The following AARD variants were observed in gnomAD, a reference collection of about 807,000 sequenced individuals.
The protein encoded by AARD is alanine- and arginine-rich domain-containing protein.
A neutral mutation model predicts 9.3 loss-of-function variants in AARD; 9 were observed. That is an observed-to-expected ratio of 0.97 (90% CI 0.58 to 1.69). The LOEUF (loss-of-function observed/expected upper bound fraction) is 1.69. AARD is among the 40% of genes most tolerant of loss of function. The pLI is 0.00. For missense variants in AARD, 236 were observed against 210.3 expected (o/e 1.12, Z -0.76); for synonymous variants, 91 against 93.8 (o/e 0.97, Z 0.17).
rs997067254 is a variant in AARD at position 116,938,785 on chromosome 8, C to T, written c.324+218C>T. On this transcript the variant is annotated intron_variant, in intron 1 of 1. Transcript: ENST00000378279. Reference sequence around the variant, plus strand: ...GTGGGGGCGGGGGTGCCTGGTCTACCAGTGACATACCCAAGATGTCTCCTC... The same window carrying T: ...GTGGGGGCGGGGGTGCCTGGTCTACTAGTGACATACCCAAGATGTCTCCTC... The T allele has an allele frequency of 1.3e-5, 8 of 595,868 alleles. No homozygotes were observed. The Admixed American group carries it at 3.4e-4, about 25-fold the overall frequency. The allele number at this position is 595,868 out of a possible 1,614,324, so 36.9% of individuals were successfully genotyped here. A position where few individuals can be genotyped will look rare whatever the true frequency, so the allele number is the denominator to read the frequency against.
In AARD at chr8:116,939,321, G is replaced by A. The variant is rs77202141; in HGVS notation, c.324+754G>A. Among the ~76,000 whole-genome samples the A allele has an allele frequency of 0.02, 2,992 of 152,238 alleles. 250 individuals carry two copies. The East Asian group carries it at 0.29, about 15-fold the overall frequency. ...AATTGTCTTATTTAAGAATGTTATCGCATTTCTAAGTTTAAGAAGAACAGT... is the reference window on the plus strand; with the variant it reads ...AATTGTCTTATTTAAGAATGTTATCACATTTCTAAGTTTAAGAAGAACAGT... On this transcript the variant is annotated intron_variant, in intron 1 of 1. Coordinates refer to ENST00000378279, the MANE Select transcript of AARD (RefSeq NM_001025357.3).
intron 1 of AARD, among the ~76,000 whole-genome samples, chr8:116,940,436 A>G (rs1210298681): frequency 6.6e-6 from 1 of 152,232 alleles, no homozygotes; most frequent in Non-Finnish European, 1.5e-5. Flanking sequence ...AGAAGTTTAC[A>G]CATACACAAA....
intron 1 of AARD, among the ~76,000 whole-genome samples, chr8:116,939,681 G>T (rs1176596349): frequency 6.6e-6 from 1 of 152,202 alleles, no homozygotes; most frequent in Non-Finnish European, 1.5e-5. Flanking sequence ...GATTCAGATT[G>T]TTAACATGGG....
Position 116,938,519 on chromosome 8 carries a change from G to T in AARD, c.276G>T (p.Gln92His), listed in dbSNP as rs111477672. Residue 92 changes from glutamine (Q) to histidine (H), a missense_variant, in exon 1 of 2, where the codon CAG becomes CAT. Gln to His is a conservative substitution (Grantham distance 24). Transcript: ENST00000378279. ...CGGCGGCGGCGGCGCGGGAGGAGCA[G>T]AGCTGGACGGGCGTTGAGGCCACCC... ...AAAAAAAREE[Q>H]SWTGVEATLA... 95,677 of 1,499,346 alleles carry T rather than the reference G, an allele frequency of 0.064. 3,530 individuals carry two copies. Among genetic ancestry groups the T allele is most frequent in the Non-Finnish European group, 0.074 (84,196 of 1,132,982 alleles). 92.9% of individuals were successfully genotyped at this position (1,499,346 alleles called of 1,614,324 possible).
chr8:116,940,533 T>G (rs1813733322), intron 1 of AARD, among the ~76,000 whole-genome samples: 2 of 152,216 alleles, frequency 1.3e-5, no homozygotes, highest in Admixed American at 1.3e-4. Context: ...GGAGTGTGGA[T>G]ACTGTACCTT....
chr8:116,938,747 C>T, intron 1 of AARD, 180 bp downstream of exon 1: 2 of 913,098 alleles, frequency 2.2e-6, no homozygotes, highest in Non-Finnish European at 3.0e-6. Context: ...CCCTGCAGGA[C>T]CCATGGTGGG....
At chr8:116,940,080 G>A (rs1813727088) in intron 1 of AARD, among the ~76,000 whole-genome samples, 1 of 152,150 alleles carries the variant, frequency 6.6e-6, no homozygotes, top group South Asian at 2.1e-4. Flanking sequence ...GTGCGTTCAG[G>A]GTGGTATGGC....
chr8:116,939,475 T>C (rs540395840), intron 1 of AARD, among the ~76,000 whole-genome samples: 4 of 152,100 alleles, frequency 2.6e-5, no homozygotes, highest in African/African-American at 9.6e-5. Context: ...CTACTAAAAA[T>C]ACAAAAATTA....
At chr8:116,940,675 A>G (rs1813735439) in intron 1 of AARD, among the ~76,000 whole-genome samples, 1 of 152,212 alleles carries the variant, frequency 6.6e-6, no homozygotes, top group African/African-American at 2.4e-5. Flanking sequence ...GGAACGATGA[A>G]CAAATTTAAT....
At chr8:116,941,753 G>A (rs1430060523) in intron 1 of AARD, among the ~76,000 whole-genome samples, 1 of 152,152 alleles carries the variant, frequency 6.6e-6, no homozygotes, top group African/African-American at 2.4e-5. Context: ...ATCCTGGGGT[G>A]GTTTCTATTG....
chr8:116,942,751 A>G lies in AARD; in HGVS notation c.*50A>G, dbSNP rs1455051108. ...CGCGGTGGCTCACGCCTGTAATCCC[A>G]GCACTTTGGGAGGCCGAGGCGGGCG... On this transcript the variant is annotated 3_prime_UTR_variant, in exon 2 of 2. Coordinates refer to ENST00000378279, the MANE Select transcript of AARD (RefSeq NM_001025357.3). 2 of 1,583,932 alleles carry G rather than the reference A, an allele frequency of 1.3e-6. No homozygotes were observed. Among genetic ancestry groups the G allele is most frequent in the Non-Finnish European group, 1.7e-6 (2 of 1,161,940 alleles).
rs1813766117 is a variant in AARD, at chr8:116,943,160, A to G, written c.*459A>G. ...TGACAGGGGAAGGTGACAGAAAAAC[A>G]TCTAAGAGAGGGGAGAGAAAAATGA... On this transcript the variant is annotated 3_prime_UTR_variant, in exon 2 of 2. Coordinates refer to ENST00000378279, the MANE Select transcript of AARD (RefSeq NM_001025357.3). The G allele has an allele frequency of 6.6e-6, 1 of 152,284 alleles. No homozygotes were observed. Among genetic ancestry groups the G allele is most frequent in the African/African-American group, 2.4e-5 (1 of 41,436 alleles). The allele number at this position is 152,284 out of a possible 1,614,324, so 9.4% of individuals were successfully genotyped here.
chr8:116,942,793 G>T lies in AARD; in HGVS notation c.*92G>T, dbSNP rs1813760925. 3 of 1,293,766 alleles carry T rather than the reference G, an allele frequency of 2.3e-6. No homozygotes were observed. Among genetic ancestry groups the T allele is most frequent in the Non-Finnish European group, 3.2e-6 (3 of 932,740 alleles). The allele number at this position is 1,293,766 out of a possible 1,614,324, so 80.1% of individuals were successfully genotyped here. A position where few individuals can be genotyped will look rare whatever the true frequency, so the allele number is the denominator to read the frequency against. The stretch of plus-strand genomic sequence containing the variant: ...AGGCGGGCGGATCAAGACGTCAGGA[G>T]ATTGAGACCATCCTGGCTAACACTG... On this transcript the variant is annotated 3_prime_UTR_variant, in exon 2 of 2. Transcript: ENST00000378279.
rs571796431 is a variant in AARD at position 116,939,882 on chromosome 8, G to A, written c.324+1315G>A. On this transcript the variant is annotated intron_variant, in intron 1 of 1. Transcript: ENST00000378279. ...GCTGAAACCTGGCGCAGCCATCTCTGCATTGTAGTCTTGGGATCTGCCGGT... is the reference window on the plus strand; with the variant it reads ...GCTGAAACCTGGCGCAGCCATCTCTACATTGTAGTCTTGGGATCTGCCGGT... Among the ~76,000 whole-genome samples the A allele has an allele frequency of 7.2e-5, 11 of 152,318 alleles. No individual in the cohort carries two copies. In the East Asian group the frequency reaches 2.1e-3, roughly 29 times the overall value.
chr8:116,939,382 A>G (rs1036157028), intron 1 of AARD, among the ~76,000 whole-genome samples: 5 of 152,222 alleles, frequency 3.3e-5, no homozygotes, highest in Admixed American at 2.6e-4. Flanking sequence ...CTGTAATCCT[A>G]GCTCTTTGGG....
Position 116,938,452 on chromosome 8 carries a change from C to T in AARD, c.209C>T (p.Ala70Val), listed in dbSNP as rs1388749890. 1.9e-6 allele frequency: 3 copies of T among 1,601,002 alleles called. No homozygotes were observed. In the Admixed American group the frequency reaches 5.1e-5, roughly 27 times the overall value. Residue 70 changes from alanine to valine, a missense_variant, in exon 1 of 2, where the codon GCG becomes GTG. Physicochemically the swap from Ala to Val is moderately conservative, Grantham distance 64 (BLOSUM62 0). Transcript: ENST00000378279. ...RRRLTRAFQW[A>V]VQRAISRRVQ... Reference sequence around the variant, plus strand: ...CGGCTGACGCGCGCCTTCCAGTGGGCGGTGCAGCGCGCGATCTCGAGGCGC... The same window carrying T: ...CGGCTGACGCGCGCCTTCCAGTGGGTGGTGCAGCGCGCGATCTCGAGGCGC...
chr8:116,938,874 C>A (rs900216875), intron 1 of AARD, among the ~76,000 whole-genome samples: 1 of 152,130 alleles, frequency 6.6e-6, no homozygotes, highest in Non-Finnish European at 1.5e-5. Context: ...GTATGGCTCG[C>A]GGAGGAGGAA....
intron 1 of AARD, 140 bp downstream of exon 1, chr8:116,938,707 C>T: frequency 8.4e-7 from 1 of 1,193,996 alleles, no homozygotes; most frequent in Non-Finnish European, 1.1e-6. Flanking sequence ...GACGCCCCCG[C>T]CTCCCCAGCA....
At chr8:116,940,266 C>T (rs984749096) in intron 1 of AARD, among the ~76,000 whole-genome samples, 1 of 152,148 alleles carries the variant, frequency 6.6e-6, no homozygotes, top group African/African-American at 2.4e-5. Flanking sequence ...GATTCCAGAG[C>T]TTATGTGAGA....
Sources: gnomAD v4.1 joint callset for allele counts (sites outside exome capture counted in the v4.1 genomes callset) on GRCh38, gnomAD v4.1.1 for gene constraint, MANE v1.5 for transcripts, NCBI Gene and HGNC (gene_info 2026-07-23, HGNC 2026-07-21) for gene names.